LMX1A: variants seen among roughly 807,000 people sequenced by gnomAD.
LMX1A encodes LIM homeobox transcription factor 1 alpha.
Under a neutral mutation model 49.1 loss-of-function variants are expected in LMX1A, and 15 were observed. The observed-to-expected ratio is 0.31, with a 90% CI of 0.20 to 0.47. LMX1A has a LOEUF of 0.47. Ranked by LOEUF, LMX1A falls within the 20% of genes least tolerant of loss-of-function variation. LMX1A has a pLI of 1.00. For synonymous variants in LMX1A, 167 were observed against 185.7 expected, an observed-to-expected ratio of 0.90 and a Z score of 0.82; for missense variants, 372 against 475.8, an observed-to-expected ratio of 0.78 and a Z score of 2.03.
chr1:165,337,886 T>TGTGTGTGTGTGTGTGTGTGTG (rs1553213775), intron 3 of LMX1A, among the ~76,000 whole-genome samples: 1 of 20,786 alleles, frequency 4.8e-5, no homozygotes, highest in African/African-American at 1.0e-4. Flanking sequence ...GTGTGTGTGT[T>TGTGTGTGTGTGTGTGTGTGTG]TCTGTGTGTG....
At chr1:165,337,468 A>G (rs527239599) in intron 3 of LMX1A, among the ~76,000 whole-genome samples, 1 of 152,350 alleles carries the variant, frequency 6.6e-6, no homozygotes, top group South Asian at 2.1e-4. Flanking sequence ...CTTTAAAATT[A>G]GAAAGGATTC....
At chr1:165,286,914 G>A (rs924103160) in intron 3 of LMX1A, among the ~76,000 whole-genome samples, 3 of 152,126 alleles carry the variant, frequency 2.0e-5, no homozygotes, top group Non-Finnish European at 4.4e-5. Flanking sequence ...TGCTGAAAGA[G>A]AACAATTCTT....
rs1325526388 is a variant in LMX1A, at chr1:165,355,210, C to T, written c.76+274G>A. ...ATCCAGCCCTGGGTATTTTTAATCA[C>T]TTGCCACTCAGACGCCTACGAACAA... On this transcript the variant is annotated intron_variant, in intron 2 of 8. Transcript: ENST00000342310. The surrounding 1 kb of genome is among the most constrained non-coding windows in gnomAD (Gnocchi z 4.7). 6.6e-6 allele frequency among the ~76,000 whole-genome samples: 1 copy of T among 152,136 alleles called. No homozygotes were observed. The highest frequency in any genetic ancestry group is 2.4e-5 in the African/African-American group (1 of 41,430).
chr1:165,251,637 T>C (rs949273340), intron 3 of LMX1A, among the ~76,000 whole-genome samples: 2 of 152,116 alleles, frequency 1.3e-5, no homozygotes, highest in East Asian at 1.9e-4. Context: ...GACTCCAGTA[T>C]ACAAAATTAC....
Position 165,355,731 on chromosome 1 carries a change from T to G in LMX1A, c.-22-150A>C. 1.6e-6 allele frequency: 1 copy of G among 625,914 alleles called. No individual in the cohort carries two copies. Among genetic ancestry groups the G allele is most frequent in the Admixed American group, 2.7e-5 (1 of 36,844 alleles). The allele number at this position is 625,914 out of a possible 1,614,324, so 38.8% of individuals were successfully genotyped here. On this transcript the variant is annotated intron_variant, in intron 1 of 8. Coordinates refer to ENST00000342310, the MANE Select transcript of LMX1A (RefSeq NM_177398.4). The surrounding 1 kb of genome is among the most constrained non-coding windows in gnomAD (Gnocchi z 4.7). ...AGGGTCCAGCCAAGAGAATGTAGGG[T>G]GGGAGGAGAGATCAGTCACAGCGAA...
intron 3 of LMX1A, among the ~76,000 whole-genome samples, chr1:165,266,936 T>C (rs1028982273): frequency 3.3e-5 from 5 of 152,204 alleles, no homozygotes; most frequent in Admixed American, 3.3e-4. Context: ...TCTCTCTCTC[T>C]CTCTTTCTTT....
At chr1:165,323,976 T>C (rs1261056328) in intron 3 of LMX1A, among the ~76,000 whole-genome samples, 1 of 152,232 alleles carries the variant, frequency 6.6e-6, no homozygotes, top group Non-Finnish European at 1.5e-5. Flanking sequence ...GTAGTTAACC[T>C]ATCATCTCAT....
chr1:165,315,417 A>G (rs1655189305), intron 3 of LMX1A, among the ~76,000 whole-genome samples: 2 of 152,248 alleles, frequency 1.3e-5, no homozygotes, highest in Non-Finnish European at 2.9e-5. Flanking sequence ...ACATCAGCAC[A>G]GGAACTTCGG....
chr1:165,259,110 A>G (rs1653345337), intron 3 of LMX1A, among the ~76,000 whole-genome samples: 1 of 152,238 alleles, frequency 6.6e-6, no homozygotes, highest in Non-Finnish European at 1.5e-5. Context: ...CAAGACAGCC[A>G]ACTGAGCCAA....
chr1:165,220,040 A>G (rs929995250), intron 4 of LMX1A, among the ~76,000 whole-genome samples: 2 of 152,224 alleles, frequency 1.3e-5, no homozygotes, highest in Admixed American at 1.3e-4. Context: ...CCAAGGGCAT[A>G]AAATACCTAA....
At chr1:165,247,054 C>CTTTTTTTTTTTTTTTTTTTTTTT (rs71097567) in intron 4 of LMX1A, among the ~76,000 whole-genome samples, 1,269 of 53,226 alleles carry the variant, frequency 0.024, 434 homozygotes, top group East Asian at 0.047. Context: ...TCAGCTTTTT[C>CTTTTTTTTTTTTTTTTTTTTTTT]TTTTTTTTTT....
intron 3 of LMX1A, among the ~76,000 whole-genome samples, chr1:165,269,812 A>T (rs938352590): frequency 3.3e-5 from 5 of 152,192 alleles, no homozygotes; most frequent in African/African-American, 1.2e-4. Context: ...CAAGCACCGC[A>T]TGTTCTCACT....
At chr1:165,234,448 G>A (rs907381898) in intron 4 of LMX1A, among the ~76,000 whole-genome samples, 7 of 152,172 alleles carry the variant, frequency 4.6e-5, no homozygotes, top group East Asian at 1.9e-4. Context: ...ATATCTCTAC[G>A]ATAATATTAA....
chr1:165,274,755 G>A (rs1191862191), intron 3 of LMX1A, among the ~76,000 whole-genome samples: 1 of 152,154 alleles, frequency 6.6e-6, no homozygotes, highest in East Asian at 1.9e-4. Flanking sequence ...GTGCCATGAA[G>A]GTAAAACGTG....
chr1:165,220,728 T>C (rs1651813086), intron 4 of LMX1A, among the ~76,000 whole-genome samples: 1 of 152,186 alleles, frequency 6.6e-6, no homozygotes, highest in Non-Finnish European at 1.5e-5. Context: ...GCCAAGTGTG[T>C]GGAAAATCAA....
chr1:165,270,845 C>T (rs1653770927), intron 3 of LMX1A, among the ~76,000 whole-genome samples: 1 of 152,138 alleles, frequency 6.6e-6, no homozygotes, highest in African/African-American at 2.4e-5. Flanking sequence ...CCACTGGGAT[C>T]CCGTATCCCA....
intron 3 of LMX1A, among the ~76,000 whole-genome samples, chr1:165,289,301 T>C (rs1361248199): frequency 6.6e-6 from 1 of 150,870 alleles, no homozygotes; most frequent in Non-Finnish European, 1.5e-5. Context: ...ACAAGCAAAA[T>C]GGCACTACAG....
At chr1:165,282,461 T>C (rs1338423906) in intron 3 of LMX1A, among the ~76,000 whole-genome samples, 1 of 152,242 alleles carries the variant, frequency 6.6e-6, no homozygotes, top group Non-Finnish European at 1.5e-5. Flanking sequence ...GTGTCAATCA[T>C]TGTTATACTA....
intron 3 of LMX1A, among the ~76,000 whole-genome samples, chr1:165,293,936 T>C (rs984448832): frequency 6.6e-6 from 1 of 152,230 alleles, no homozygotes; most frequent in Admixed American, 6.5e-5. Flanking sequence ...ATTCAGGCCA[T>C]AGCATTCCAT....
Sources: allele counts gnomAD v4.1 joint callset (sites outside exome capture counted in the v4.1 genomes callset), GRCh38; gene constraint gnomAD v4.1.1; non-coding constraint Gnocchi (gnomAD v3.1); transcripts MANE v1.5; gene names NCBI Gene and HGNC (gene_info 2026-07-23, HGNC 2026-07-21).